Variants in NVL observed in about 807,000 individuals in gnomAD.
NVL encodes the protein nuclear VCP like.
NVL carries 84 observed loss-of-function variants against 110.2 expected under a neutral mutation model. The observed-to-expected ratio is 0.76, with a 90% CI of 0.64 to 0.91. The LOEUF is 0.91. NVL is among the 40% of genes least tolerant of loss of function. The pLI, the probability that NVL is intolerant of heterozygous loss-of-function variation, is 0.00. For synonymous variants in NVL, 354 were observed against 361.1 expected (o/e 0.98, Z 0.22); for missense variants, 882 against 1,035.9 (o/e 0.85, Z 2.04).
At chr1:224,271,366 G>A (rs1806742) in intron 17 of NVL, among the ~76,000 whole-genome samples, 9,730 of 152,014 alleles carry the variant, frequency 0.064, 382 homozygotes, top group African/African-American at 0.1. Context: ...GTGCACACCC[G>A]TACTACTAGC....
At chr1:224,301,797 TCAAAAAAAA>T (rs1668439069) in intron 9 of NVL, 1 of 73,276 alleles carries the variant, frequency 1.4e-5, no homozygotes, top group African/African-American at 6.0e-5. Flanking sequence ...AAAATCTGTT[TCAAAAAAAA>T]AAAAAAAAAA....
rs147827721 is a variant in NVL, at chr1:224,299,671, G to A, written c.1062+891C>T. On this transcript the variant is annotated intron_variant, in intron 10 of 22. Transcript: ENST00000281701. Reference sequence around the variant, plus strand: ...TGCCAATTTAACAATGGAATCCACCGCGTTTTGGAAAACAGGTAGCACCTG... The same window carrying A: ...TGCCAATTTAACAATGGAATCCACCACGTTTTGGAAAACAGGTAGCACCTG... Among the ~76,000 whole-genome samples the A allele has an allele frequency of 5.5e-3, 835 of 152,214 alleles. 12 individuals are homozygous for A. Among genetic ancestry groups the A allele is most frequent in the Non-Finnish European group, 6.9e-3 (470 of 68,014 alleles).
intron 16 of NVL, among the ~76,000 whole-genome samples, chr1:224,280,467 G>A (rs1666215604): frequency 6.6e-6 from 1 of 151,878 alleles, no homozygotes; most frequent in African/African-American, 2.4e-5. Flanking sequence ...TACCACCTCT[G>A]CTGGAAAATC....
intron 19 of NVL, among the ~76,000 whole-genome samples, chr1:224,236,843 G>T (rs1660543387): frequency 6.6e-6 from 1 of 152,172 alleles, no homozygotes; most frequent in South Asian, 2.1e-4. Context: ...CCCTGGAGGT[G>T]GAGGTTGTAG....
At chr1:224,311,941 T>G (rs767977476) in intron 4 of NVL, 84 bp from the exon 5 acceptor site, 5 of 1,043,694 alleles carry the variant, frequency 4.8e-6, no homozygotes, top group Non-Finnish European at 7.4e-6. Flanking sequence ...GTAAATATAT[T>G]CAGCCAAAAG....
chr1:224,231,172 T>C, intron 22 of NVL, 54 bp downstream of exon 22: 1 of 1,186,838 alleles, frequency 8.4e-7, no homozygotes, highest in Non-Finnish European at 1.3e-6. Context: ...AGGTCATATC[T>C]ACTGGTCTAA....
At chr1:224,295,102 A>G (rs1392291860) in intron 11 of NVL, among the ~76,000 whole-genome samples, 1 of 152,252 alleles carries the variant, frequency 6.6e-6, no homozygotes, top group Non-Finnish European at 1.5e-5. Context: ...CTGAACCAGG[A>G]TTGAACAGCA....
intron 19 of NVL, among the ~76,000 whole-genome samples, chr1:224,240,061 A>ATTT (rs34586586): frequency 0.046 from 4,208 of 90,924 alleles, 634 homozygotes; most frequent in East Asian, 0.36. Context: ...ACGCTGGGTA[A>ATTT]TTTTTTTTTT....
rs1401432336 is a variant in NVL at position 224,273,053 on chromosome 1, A to AC, written c.2082+2285_2082+2286insG. Among the ~76,000 whole-genome samples, 16 of 136,000 alleles carry AC rather than the reference A, an allele frequency of 1.2e-4. 1 individual carries two copies. Among genetic ancestry groups the AC allele is most frequent in the Non-Finnish European group, 2.3e-4 (15 of 64,932 alleles). The allele number at this position is 136,000 out of a possible 152,430, so 89.2% of individuals were successfully genotyped here. A position where few individuals can be genotyped will look rare whatever the true frequency, so the allele number is the denominator to read the frequency against. On this transcript the variant is annotated intron_variant, in intron 17 of 22. Coordinates refer to ENST00000281701, the MANE Select transcript of NVL (RefSeq NM_002533.4). ...CGTCTCAAAAAAAAACAAAAAAAAC[A>AC]AACAAACAAAAAAAAACACAACAAA...
intron 18 of NVL, among the ~76,000 whole-genome samples, chr1:224,251,004 G>T (rs12743956): frequency 1 from 152,116 of 152,116 alleles, 76,058 homozygotes; most frequent in Non-Finnish European, 1. Flanking sequence ...CTGGGCGCGG[G>T]GGCTCACACC....
intron 15 of NVL, among the ~76,000 whole-genome samples, chr1:224,283,209 C>T (rs919231195): frequency 5.3e-5 from 8 of 152,114 alleles, no homozygotes; most frequent in Non-Finnish European, 1.2e-4. Flanking sequence ...TGACTAAGGC[C>T]GGGCACGGTG....
chr1:224,278,738 A>AT lies in NVL; in HGVS notation c.1962+2384dup, dbSNP rs952597140. 1.9e-3 allele frequency among the ~76,000 whole-genome samples: 271 copies of AT among 146,390 alleles called. 1 individual carries two copies. Among genetic ancestry groups the AT allele is most frequent in the African/African-American group, 1.9e-3 (76 of 40,224 alleles). ...TTATAAAAATAGTTAGCAATATCCA[A>AT]TTTTTTTTTTTTGAGACAGGATGTT... On this transcript the variant is annotated intron_variant, in intron 16 of 22. Coordinates refer to ENST00000281701, the MANE Select transcript of NVL (RefSeq NM_002533.4).
chr1:224,246,325 T>C (rs1661818327), intron 19 of NVL, among the ~76,000 whole-genome samples: 1 of 152,230 alleles, frequency 6.6e-6, no homozygotes, highest in Non-Finnish European at 1.5e-5. Flanking sequence ...CCACTGTGCC[T>C]GGCCGAAGTG....
intron 19 of NVL, among the ~76,000 whole-genome samples, chr1:224,247,560 T>C (rs1432986544): frequency 1.3e-5 from 2 of 151,824 alleles, no homozygotes; most frequent in African/African-American, 4.8e-5. Flanking sequence ...TCCCAGCTAC[T>C]CAGGAGGTTG....
At chr1:224,279,227 A>G (rs934650149) in intron 16 of NVL, among the ~76,000 whole-genome samples, 2 of 152,242 alleles carry the variant, frequency 1.3e-5, no homozygotes, top group Non-Finnish European at 2.9e-5. Flanking sequence ...AAAAGTTAAT[A>G]AACTAAAAAT....
At chr1:224,317,236 A>T (rs1007954114) in intron 4 of NVL, among the ~76,000 whole-genome samples, 4 of 152,162 alleles carry the variant, frequency 2.6e-5, no homozygotes, top group Non-Finnish European at 4.4e-5. Flanking sequence ...AAACAAAATT[A>T]ATCAGCACCT....
chr1:224,296,118 A>G (rs1667863646), intron 11 of NVL, among the ~76,000 whole-genome samples: 1 of 152,010 alleles, frequency 6.6e-6, no homozygotes, highest in South Asian at 2.1e-4. Context: ...GTGACAGAGC[A>G]ACACTCTATC....
intron 18 of NVL, among the ~76,000 whole-genome samples, chr1:224,267,342 T>A (rs1287156165): frequency 6.6e-6 from 1 of 152,152 alleles, no homozygotes; most frequent in Non-Finnish European, 1.5e-5. Flanking sequence ...TTGTTTCCTA[T>A]AAGCTAGAGA....
intron 9 of NVL, among the ~76,000 whole-genome samples, chr1:224,301,506 A>T (rs891901393): frequency 2.6e-5 from 4 of 152,118 alleles, no homozygotes; most frequent in African/African-American, 9.7e-5. Context: ...TAACCCAGAG[A>T]GTAGCCAGTT....
Sources: gnomAD v4.1 joint callset for allele counts (sites outside exome capture counted in the v4.1 genomes callset) on GRCh38, gnomAD v4.1.1 for gene constraint, MANE v1.5 for transcripts, NCBI Gene and HGNC (gene_info 2026-07-23, HGNC 2026-07-21) for gene names.